Variants in MOXD1 observed in about 807,000 individuals in gnomAD.
MOXD1 encodes the protein DBH-like monooxygenase protein 1.
MOXD1 carries 62 observed loss-of-function variants against 66.6 expected under a neutral mutation model. That is an observed-to-expected ratio of 0.93 (90% CI 0.76 to 1.15). MOXD1 has a LOEUF of 1.15. Among genes scored for constraint, MOXD1 ranks in the 50% most tolerant of loss-of-function variants. MOXD1 has a pLI of 0.00. For synonymous variants in MOXD1, 303 were observed against 281.9 expected (o/e 1.07, Z -0.75); for missense variants, 847 against 754.6 (o/e 1.12, Z -1.44).
intron 1 of MOXD1, among the ~76,000 whole-genome samples, chr6:132,388,162 A>G (rs1247710157): frequency 6.6e-6 from 1 of 151,490 alleles, no homozygotes; most frequent in Non-Finnish European, 1.5e-5. Context: ...GTCTCATTAC[A>G]CTAAGCGATT....
rs1774399498 is a variant in MOXD1 at position 132,296,383 on chromosome 6, G to T, written c.*770C>A. The T allele has an allele frequency of 6.6e-6, 1 of 152,136 alleles. No homozygotes were observed. The highest frequency in any genetic ancestry group is 2.4e-5 in the African/African-American group (1 of 41,424). 9.4% of individuals were successfully genotyped at this position (152,136 alleles called of 1,614,324 possible). The stretch of plus-strand genomic sequence containing the variant: ...GTCACCTCACAGCACTGGGTTTGCA[G>T]CCAGCTACATTTTTTCTCCTCAGCC... On this transcript the variant is annotated 3_prime_UTR_variant, in exon 12 of 12. Coordinates refer to ENST00000367963, the MANE Select transcript of MOXD1 (RefSeq NM_015529.4).
chr6:132,325,014 A>T (rs1775158705), intron 6 of MOXD1: 1 of 151,056 alleles, frequency 6.6e-6, no homozygotes, highest in Admixed American at 6.6e-5. Context: ...ATTACTTTTA[A>T]TTTTTTTCAG....
intron 4 of MOXD1, 31 bp downstream of exon 4, chr6:132,372,577 A>G (rs1243500052): frequency 6.5e-7 from 1 of 1,539,728 alleles, no homozygotes; most frequent in South Asian, 1.1e-5. Context: ...ACTCATGAAA[A>G]TTAATTTTAG....
intron 4 of MOXD1, among the ~76,000 whole-genome samples, chr6:132,358,950 C>T (rs79734758): frequency 1.3e-5 from 2 of 152,002 alleles, no homozygotes; most frequent in African/African-American, 2.4e-5. Flanking sequence ...TAAAAAAACC[C>T]ACATATATCA....
chr6:132,374,699 T>C lies in MOXD1; in HGVS notation c.343A>G (p.Ser115Gly). 1 of 1,613,994 alleles carries C rather than the reference T, an allele frequency of 6.2e-7. No homozygotes were observed. ...GTAAATTCAATTATTGTGTGTGTGC[T>C]ATTTTCCATGGCATATTCTAGATGG... ...DYHLEYAMEN[S>G]THTIIEFTRE... Residue 115 changes from serine (S) to glycine (G), a missense_variant, in exon 2 of 12, where the codon AGC becomes GGC. Transcript: ENST00000367963.
At chr6:132,349,364 CATATAT>C (rs370934846) in intron 4 of MOXD1, among the ~76,000 whole-genome samples, 1 of 89,164 alleles carries the variant, frequency 1.1e-5, no homozygotes, top group Non-Finnish European at 2.1e-5. Context: ...TATATTCCAT[CATATAT>C]ATATATACAT....
chr6:132,303,737 T>TCACACACACACACG (rs1562276236), intron 10 of MOXD1, among the ~76,000 whole-genome samples: 16 of 66,802 alleles, frequency 2.4e-4, no homozygotes, highest in African/African-American at 1.4e-3. Context: ...ACACACACAT[T>TCACACACACACACG]TATTTATACA....
chr6:132,386,568 G>A (rs1223004373), intron 1 of MOXD1, among the ~76,000 whole-genome samples: 1 of 151,310 alleles, frequency 6.6e-6, no homozygotes. Context: ...AATATAGACA[G>A]TTTTATAGTT....
intron 8 of MOXD1, among the ~76,000 whole-genome samples, chr6:132,321,367 A>G (rs1325341102): frequency 6.6e-6 from 1 of 152,188 alleles, no homozygotes; most frequent in Non-Finnish European, 1.5e-5. Context: ...CCTCAGACAT[A>G]GATAGTAGTT....
In MOXD1 at chr6:132,303,873, ATATATACATATAT is replaced by A. The variant is rs1562276526; in HGVS notation, c.1509-5931_1509-5919del. Among the ~76,000 whole-genome samples the A allele has an allele frequency of 3.0e-3, 151 of 49,708 alleles. 1 individual carries two copies. Among genetic ancestry groups the A allele is most frequent in the African/African-American group, 6.5e-3 (30 of 4,646 alleles). 32.6% of individuals were successfully genotyped at this position (49,708 alleles called of 152,430 possible). On this transcript the variant is annotated intron_variant, in intron 10 of 11. Transcript: ENST00000367963. ...TATATATATATATATATATATATAT[ATATATACATATAT>A]ACATAAAACCTTAGGACAATTCTCT...
intron 10 of MOXD1, among the ~76,000 whole-genome samples, chr6:132,303,007 G>A (rs568827644): frequency 3.3e-5 from 5 of 152,154 alleles, no homozygotes; most frequent in South Asian, 2.1e-4. Context: ...AACAAAGAAC[G>A]TTGGATTTAC....
Position 132,296,131 on chromosome 6 carries a change from T to C in MOXD1, c.*1022A>G, listed in dbSNP as rs1411878885. The C allele has an allele frequency of 1.3e-5, 2 of 152,166 alleles. No homozygotes were observed. Among genetic ancestry groups the C allele is most frequent in the African/African-American group, 4.8e-5 (2 of 41,444 alleles). The allele number at this position is 152,166 out of a possible 1,614,324, so 9.4% of individuals were successfully genotyped here. A position where few individuals can be genotyped will look rare whatever the true frequency, so the allele number is the denominator to read the frequency against. On this transcript the variant is annotated 3_prime_UTR_variant, in exon 12 of 12. Transcript: ENST00000367963. Reference sequence around the variant, plus strand: ...ATGAGGACAGGACATAAAACAAGATTTGGCTGAGCTATATAAAGAAAACCA... The same window carrying C: ...ATGAGGACAGGACATAAAACAAGATCTGGCTGAGCTATATAAAGAAAACCA...
At chr6:132,322,907 A>G (rs187479602) in intron 7 of MOXD1, 37 bp from the exon 8 acceptor site, 49 of 1,541,322 alleles carry the variant, frequency 3.2e-5, no homozygotes, top group Non-Finnish European at 4.1e-5. Flanking sequence ...ATTAGCCCAC[A>G]TTAATGCATG....
chr6:132,363,221 AC>A (rs1184084488), intron 4 of MOXD1, among the ~76,000 whole-genome samples: 16 of 129,786 alleles, frequency 1.2e-4, no homozygotes, highest in African/African-American at 5.8e-4. Context: ...ACAATAAAAA[AC>A]AAAAAAAAAA....
chr6:132,392,648 C>T (rs1776791432), intron 1 of MOXD1, among the ~76,000 whole-genome samples: 1 of 152,126 alleles, frequency 6.6e-6, no homozygotes, highest in African/African-American at 2.4e-5. Context: ...CCCACCTCAC[C>T]CTGACACTTC....
At chr6:132,297,986 C>A in intron 10 of MOXD1, 31 bp from the exon 11 acceptor site, 1 of 1,569,180 alleles carries the variant, frequency 6.4e-7, no homozygotes. Context: ...TAGTCATATT[C>A]AGAACAAATG....
At chr6:132,366,421 T>C (rs987932879) in intron 4 of MOXD1, among the ~76,000 whole-genome samples, 2 of 151,808 alleles carry the variant, frequency 1.3e-5, no homozygotes, top group African/African-American at 4.8e-5. Flanking sequence ...GGTGAACACA[T>C]AAAAAAACAA....
intron 6 of MOXD1, 145 bp from the exon 7 acceptor site, chr6:132,324,242 G>A (rs908456694): frequency 1.8e-4 from 149 of 814,428 alleles, no homozygotes; most frequent in South Asian, 4.4e-4. Flanking sequence ...ATGAGGGAAA[G>A]GGATTCAAGC....
intron 10 of MOXD1, among the ~76,000 whole-genome samples, chr6:132,308,529 C>A (rs1343877438): frequency 6.6e-6 from 1 of 152,158 alleles, no homozygotes; most frequent in Non-Finnish European, 1.5e-5. Context: ...ATGAAGCCAG[C>A]ATCATCTTGA....
Sources: gnomAD v4.1 joint callset for allele counts (sites outside exome capture counted in the v4.1 genomes callset) on GRCh38, gnomAD v4.1.1 for gene constraint, MANE v1.5 for transcripts, NCBI Gene and HGNC (gene_info 2026-07-23, HGNC 2026-07-21) for gene names.